NEDD4: variants seen among roughly 807,000 people sequenced by gnomAD.
NEDD4 encodes the protein NEDD4 E3 ubiquitin protein ligase, also known as E3 ubiquitin-protein ligase NEDD4.
NEDD4 carries 99 observed loss-of-function variants against 144.9 expected under a neutral mutation model. The observed-to-expected ratio is 0.68, with a 90% CI of 0.58 to 0.81. NEDD4 has a LOEUF of 0.81. NEDD4 is among the 30% of genes least tolerant of loss of function. The probability of loss-of-function intolerance (pLI) is 0.00; values close to 1 mark genes in which losing one functional copy is unlikely to be tolerated. For missense variants in NEDD4, 985 were observed against 1,065.9 expected (o/e 0.92, Z 1.06); for synonymous variants, 318 against 350.6 (o/e 0.91, Z 1.04).
chr15:55,888,699 A>T (rs553983666), intron 5 of NEDD4, among the ~76,000 whole-genome samples: 82 of 152,358 alleles, frequency 5.4e-4, no homozygotes, highest in Non-Finnish European at 9.8e-4. Context: ...CCTGACATCA[A>T]ATTACATTAC....
At chr15:55,867,991 G>A (rs1430100692) in intron 8 of NEDD4, among the ~76,000 whole-genome samples, 1 of 151,160 alleles carries the variant, frequency 6.6e-6, no homozygotes, top group East Asian at 1.9e-4. Flanking sequence ...AGGAGGCAGA[G>A]GCTGCAGCGA....
At chr15:55,839,991 AAAAAAAAAATATATATATATATAT>A (rs1298236848) in intron 21 of NEDD4, among the ~76,000 whole-genome samples, 11 of 56,776 alleles carry the variant, frequency 1.9e-4, no homozygotes, top group Non-Finnish European at 3.2e-4. Context: ...AAAAAAAAAA[AAAAAAAAAATATATATATATATAT>A]ATATATATAT....
At chr15:55,916,011 G>A (rs766915892) in intron 5 of NEDD4, 68 of 1,613,662 alleles carry the variant, frequency 4.2e-5, no homozygotes, top group Non-Finnish European at 5.7e-5. Context: ...TCGGGTAGTT[G>A]AAGGACTCCT....
At chr15:55,915,374 T>C (rs368417413) in intron 5 of NEDD4, 3 of 1,613,552 alleles carry the variant, frequency 1.9e-6, no homozygotes, top group African/African-American at 2.7e-5. Flanking sequence ...ATGCAAACTT[T>C]ATGAGTAACT....
intron 1 of NEDD4, among the ~76,000 whole-genome samples, chr15:55,991,162 T>C (rs1272774771): frequency 6.6e-6 from 1 of 152,226 alleles, no homozygotes; most frequent in Non-Finnish European, 1.5e-5. Context: ...ATAAGAATCC[T>C]CTCCTTTTGT....
At position 55,873,913 on chromosome 15, in the gene NEDD4, T is replaced by TA. The variant is rs535265678; in HGVS notation, c.342+44dup. 3,125 of 1,100,790 alleles carry TA rather than the reference T, an allele frequency of 2.8e-3. 91 individuals are homozygous for TA. The Admixed American group carries it at 0.058, about 21-fold the overall frequency. The allele number at this position is 1,100,790 out of a possible 1,614,324, so 68.2% of individuals were successfully genotyped here. A position where few individuals can be genotyped will look rare whatever the true frequency, so the allele number is the denominator to read the frequency against. On this transcript the variant is annotated intron_variant, in intron 6 of 28. Transcript: ENST00000435532. ...TTATATATGTAAGTATTTATTAAAT[T>TA]AAAAAAATAAGCCCAAAAGGAAAAT... is the stretch of plus-strand genomic sequence containing the variant.
At chr15:55,992,225 T>C (rs1425461994) in intron 1 of NEDD4, among the ~76,000 whole-genome samples, 1 of 152,238 alleles carries the variant, frequency 6.6e-6, no homozygotes, top group East Asian at 1.9e-4. Flanking sequence ...TTGACTATTG[T>C]TTCTGAGGGA....
chr15:55,941,761 C>T (rs753776003), intron 4 of NEDD4, among the ~76,000 whole-genome samples: 1 of 151,980 alleles, frequency 6.6e-6, no homozygotes, highest in Non-Finnish European at 1.5e-5. Context: ...TTAGTAGAGG[C>T]GGGGTTTCAT....
chr15:55,934,903 C>T (rs1395778041), intron 4 of NEDD4: 7 of 108,124 alleles, frequency 6.5e-5, no homozygotes, highest in Admixed American at 1.3e-4. Flanking sequence ...GAGTCTCACT[C>T]TATTGCCCAG....
At chr15:55,926,213 A>G (rs2036662320) in intron 4 of NEDD4, among the ~76,000 whole-genome samples, 1 of 151,996 alleles carries the variant, frequency 6.6e-6, no homozygotes, top group Non-Finnish European at 1.5e-5. Context: ...TAACATGGAG[A>G]CCCTGAATAT....
chr15:55,898,343 C>G (rs1282650839), intron 5 of NEDD4, among the ~76,000 whole-genome samples: 1 of 152,090 alleles, frequency 6.6e-6, no homozygotes, highest in Non-Finnish European at 1.5e-5. Context: ...ACTTCATATT[C>G]AATTTTTTCT....
chr15:55,901,868 T>C (rs2035924764), intron 5 of NEDD4, among the ~76,000 whole-genome samples: 1 of 152,112 alleles, frequency 6.6e-6, no homozygotes, highest in Non-Finnish European at 1.5e-5. Context: ...TTGCCAAACA[T>C]ATAAAATTTC....
intron 5 of NEDD4, among the ~76,000 whole-genome samples, chr15:55,894,583 A>T (rs2035680646): frequency 6.6e-6 from 1 of 152,184 alleles, no homozygotes; most frequent in Admixed American, 6.5e-5. Context: ...GGTGAGGTGG[A>T]AGTCAGGAGA....
chr15:55,834,579 C>T (rs1199079617), intron 24 of NEDD4, among the ~76,000 whole-genome samples: 4 of 152,030 alleles, frequency 2.6e-5, no homozygotes, highest in African/African-American at 9.7e-5. Context: ...CTGCTTGAGC[C>T]AAGGAATTTG....
intron 5 of NEDD4, among the ~76,000 whole-genome samples, chr15:55,894,794 A>C (rs1347086625): frequency 6.6e-6 from 1 of 152,192 alleles, no homozygotes; most frequent in Non-Finnish European, 1.5e-5. Flanking sequence ...ATGCTACAGG[A>C]AAGAAGGAAT....
intron 5 of NEDD4, among the ~76,000 whole-genome samples, chr15:55,908,538 C>T (rs2036172556): frequency 6.6e-6 from 1 of 152,154 alleles, no homozygotes; most frequent in Non-Finnish European, 1.5e-5. Context: ...ACTTACTTCT[C>T]AAAGTGTGTC....
intron 2 of NEDD4, among the ~76,000 whole-genome samples, chr15:55,953,099 C>G (rs1339832801): frequency 6.6e-6 from 1 of 151,434 alleles, no homozygotes; most frequent in Non-Finnish European, 1.5e-5. Context: ...ATGCCATTCT[C>G]CTGCCTAAGC....
intron 2 of NEDD4, among the ~76,000 whole-genome samples, chr15:55,952,986 C>CTT (rs34335685): frequency 2.8e-4 from 42 of 147,948 alleles, no homozygotes; most frequent in East Asian, 5.9e-4. Context: ...TGTATTAATT[C>CTT]TTTTTTTTTT....
intron 5 of NEDD4, among the ~76,000 whole-genome samples, chr15:55,914,483 C>CA (rs1395612723): frequency 1.3e-5 from 2 of 151,268 alleles, no homozygotes; most frequent in Admixed American, 6.6e-5. Context: ...GCTGAATTGT[C>CA]AAAAAAATGA....
Sources: allele counts gnomAD v4.1 joint callset (sites outside exome capture counted in the v4.1 genomes callset), GRCh38; gene constraint gnomAD v4.1.1; transcripts MANE v1.5; gene names NCBI Gene and HGNC (gene_info 2026-07-23, HGNC 2026-07-21).